Variants in ATXN1L observed in about 807,000 individuals in gnomAD.
ATXN1L encodes ataxin 1 like.
A neutral mutation model predicts 43.4 loss-of-function variants in ATXN1L; 8 were observed. The ratio of observed to expected loss-of-function variants is 0.18; its 90% confidence interval spans 0.11 to 0.33. The LOEUF is 0.33. ATXN1L is among the 10% of genes least tolerant of loss of function. The pLI is 1.00. For synonymous variants in ATXN1L, 379 were observed against 360.6 expected, an observed-to-expected ratio of 1.05 and a Z score of -0.58; for missense variants, 856 against 885.4, an observed-to-expected ratio of 0.97 and a Z score of 0.42.
At position 71,852,872 on chromosome 16, in the gene ATXN1L, C is replaced by T. The variant is rs929287059; in HGVS notation, c.*1062C>T. The T allele has an allele frequency of 6.0e-6, 1 of 167,172 alleles. No homozygotes were observed. 10.4% of individuals were successfully genotyped at this position (167,172 alleles called of 1,614,324 possible). On this transcript the variant is annotated 3_prime_UTR_variant, in exon 3 of 3. Transcript: ENST00000427980. ...TGGTTTTGTCCACTCTGACCAAGAC[C>T]TCTAGTTTTTGGTGGGTAGGGGGTC... is the stretch of plus-strand genomic sequence containing the variant.
At chr16:71,847,080 T>G (rs1039001644) in intron 1 of ATXN1L, among the ~76,000 whole-genome samples, 2 of 152,234 alleles carry the variant, frequency 1.3e-5, no homozygotes, top group Non-Finnish European at 2.9e-5. Flanking sequence ...TGTGTTTTCC[T>G]ATCCTTCCAC....
intron 1 of ATXN1L, among the ~76,000 whole-genome samples, chr16:71,847,126 G>C (rs181416422): frequency 1.3e-5 from 2 of 152,170 alleles, no homozygotes; most frequent in African/African-American, 4.8e-5. Context: ...AATCTTAAGA[G>C]AGAAATGTTG....
At chr16:71,849,484 G>A (rs1257317710) in intron 2 of ATXN1L, 140 bp from the exon 3 acceptor site, 12 of 340,274 alleles carry the variant, frequency 3.5e-5, no homozygotes, top group Non-Finnish European at 5.8e-5. Flanking sequence ...TAGCCTCCTT[G>A]TCTGCCCCTT....
Position 71,852,114 on chromosome 16 carries a change from C to G in ATXN1L, c.*304C>G. On this transcript the variant is annotated 3_prime_UTR_variant, in exon 3 of 3. Transcript: ENST00000427980. ...CAGGGCCTCCCTGTTCTTTCCTCCC[C>G]ATCCCTAGCTCCTGCAAGAGAAAGT... is the stretch of plus-strand genomic sequence containing the variant. 3.9e-6 allele frequency: 1 copy of G among 256,726 alleles called. No individual in the cohort carries two copies. Among genetic ancestry groups the G allele is most frequent in the Non-Finnish European group, 7.9e-6 (1 of 126,900 alleles). 15.9% of individuals were successfully genotyped at this position (256,726 alleles called of 1,614,324 possible).
rs2033528266 is a variant in ATXN1L, at chr16:71,853,821, A to G, written c.*2011A>G. ...CTGGTCAGTCAGCTTTTGGGGGTCCATCAAAGGAGGTTGCTGACCTGACCG... is the reference window on the plus strand; with the variant it reads ...CTGGTCAGTCAGCTTTTGGGGGTCCGTCAAAGGAGGTTGCTGACCTGACCG... On this transcript the variant is annotated 3_prime_UTR_variant, in exon 3 of 3. Coordinates refer to ENST00000427980, the MANE Select transcript of ATXN1L (RefSeq NM_001137675.4). 6.0e-6 allele frequency: 1 copy of G among 167,110 alleles called. No individual in the cohort carries two copies. Among genetic ancestry groups the G allele is most frequent in the African/African-American group, 2.4e-5 (1 of 41,458 alleles). The allele number at this position is 167,110 out of a possible 1,614,324, so 10.4% of individuals were successfully genotyped here.
In ATXN1L at chr16:71,857,226, CTCT is replaced by C. The variant is rs1365391611; in HGVS notation, c.*5421_*5423del. ...ACAGATTGTATTTTTATTGTTAATG[CTCT>C]TCTTATGGATACCTGCATTTAACTT... On this transcript the variant is annotated 3_prime_UTR_variant, in exon 3 of 3. Transcript: ENST00000427980. The C allele has an allele frequency of 1.2e-5, 2 of 164,666 alleles. No homozygotes were observed. Among genetic ancestry groups the C allele is most frequent in the Non-Finnish European group, 2.9e-5 (2 of 68,106 alleles). 10.2% of individuals were successfully genotyped at this position (164,666 alleles called of 1,614,324 possible).
chr16:71,846,431 C>G (rs2033444042), intron 1 of ATXN1L, among the ~76,000 whole-genome samples: 1 of 152,220 alleles, frequency 6.6e-6, no homozygotes, highest in Non-Finnish European at 1.5e-5. Context: ...CCCCTACTCT[C>G]TAAACGCAGA....
chr16:71,851,571 A>T lies in ATXN1L; in HGVS notation c.1831A>T (p.Thr611Ser). The change falls in exon 3 of 3, where the codon ACG becomes TCG. Residue 611 changes from threonine to serine, a missense_variant. This residue lies in a region of ATXN1L where 185 missense variants were observed against 176.8 expected (regional missense o/e 1.05). Coordinates refer to ENST00000427980, the MANE Select transcript of ATXN1L (RefSeq NM_001137675.4). This position sits in a 1 kb window ranked among gnomAD's most constrained non-coding sequence, Gnocchi z 4.9. ...LGPPRERPERTVLGSRELCDS... is the reference protein window; with the variant it reads ...LGPPRERPERSVLGSRELCDS... Reference sequence around the variant, plus strand: ...TCCCCCCCGAGAAAGGCCTGAGAGGACGGTCTTGGGATCCAGAGAGCTATG... The same window carrying T: ...TCCCCCCCGAGAAAGGCCTGAGAGGTCGGTCTTGGGATCCAGAGAGCTATG... 2 of 1,549,708 alleles carry T rather than the reference A, an allele frequency of 1.3e-6. No individual in the cohort carries two copies. The highest frequency in any genetic ancestry group is 1.7e-6 in the Non-Finnish European group (2 of 1,146,544).
Position 71,854,351 on chromosome 16 carries a change from G to A in ATXN1L, c.*2541G>A, listed in dbSNP as rs2033532777. On this transcript the variant is annotated 3_prime_UTR_variant, in exon 3 of 3. Transcript: ENST00000427980. The stretch of plus-strand genomic sequence containing the variant: ...TGAGGACCCTGGCAAGTTGGGCCCT[G>A]ACCTTTCTGTTGCTGTCTCTTGCTG... 1 of 167,090 alleles carries A rather than the reference G, an allele frequency of 6.0e-6. No homozygotes were observed. Among genetic ancestry groups the A allele is most frequent in the East Asian group, 1.9e-4 (1 of 5,204 alleles). 10.4% of individuals were successfully genotyped at this position (167,090 alleles called of 1,614,324 possible).
rs999494966 is a variant in ATXN1L at position 71,854,243 on chromosome 16, T to A, written c.*2433T>A. 1.2e-5 allele frequency: 2 copies of A among 167,088 alleles called. No individual in the cohort carries two copies. The highest frequency in any genetic ancestry group is 4.8e-5 in the African/African-American group (2 of 41,444). 10.4% of individuals were successfully genotyped at this position (167,088 alleles called of 1,614,324 possible). A position where few individuals can be genotyped will look rare whatever the true frequency, so the allele number is the denominator to read the frequency against. On this transcript the variant is annotated 3_prime_UTR_variant, in exon 3 of 3. Coordinates refer to ENST00000427980, the MANE Select transcript of ATXN1L (RefSeq NM_001137675.4). ...GTCTAACCAGATACAGACCAATTAG[T>A]TTAGATCAAATCACCTTCCACTTGG... is the stretch of plus-strand genomic sequence containing the variant.
At chr16:71,847,288 C>T (rs1358606244) in intron 1 of ATXN1L, among the ~76,000 whole-genome samples, 2 of 151,640 alleles carry the variant, frequency 1.3e-5, no homozygotes, top group Non-Finnish European at 2.9e-5. Context: ...AGTGTAGATT[C>T]ACATAGTGAT....
Position 71,851,736 on chromosome 16 carries a change from G to A in ATXN1L, c.1996G>A (p.Ala666Thr). 1 of 1,458,728 alleles carries A rather than the reference G, an allele frequency of 6.9e-7. No homozygotes were observed. The allele number at this position is 1,458,728 out of a possible 1,614,324, so 90.4% of individuals were successfully genotyped here. A position where few individuals can be genotyped will look rare whatever the true frequency, so the allele number is the denominator to read the frequency against. ...YSMQGEEARA[A>T]LLRPSFIPQE... The stretch of plus-strand genomic sequence containing the variant: ...CATGCAAGGGGAGGAGGCACGGGCT[G>A]CGCTGCTCCGTCCCTCTTTCATTCC... Residue 666 changes from alanine to threonine, a missense_variant, in exon 3 of 3, where the codon GCG becomes ACG. Physicochemically the swap from Ala to Thr is moderately conservative, Grantham distance 58. Coordinates refer to ENST00000427980, the MANE Select transcript of ATXN1L (RefSeq NM_001137675.4). This position sits in a 1 kb window ranked among gnomAD's most constrained non-coding sequence, Gnocchi z 4.9.
Position 71,851,727 on chromosome 16 carries a change from G to C in ATXN1L, c.1987G>C (p.Ala663Pro), listed in dbSNP as rs1471200294. The C allele has an allele frequency of 4.8e-6, 7 of 1,471,718 alleles. No individual in the cohort carries two copies. The highest frequency in any genetic ancestry group is 6.3e-6 in the Non-Finnish European group (7 of 1,106,908). The allele number at this position is 1,471,718 out of a possible 1,614,324, so 91.2% of individuals were successfully genotyped here. A position where few individuals can be genotyped will look rare whatever the true frequency, so the allele number is the denominator to read the frequency against. Residue 663 changes from alanine to proline, a missense_variant, in exon 3 of 3, where the codon GCA becomes CCA. Ala to Pro is a conservative substitution (Grantham distance 27). This residue lies in a region of ATXN1L where 185 missense variants were observed against 176.8 expected (regional missense o/e 1.05). Coordinates refer to ENST00000427980, the MANE Select transcript of ATXN1L (RefSeq NM_001137675.4). This position sits in a 1 kb window ranked among gnomAD's most constrained non-coding sequence, Gnocchi z 4.9. ...FQRYSMQGEE[A>P]RAALLRPSFI... is the part of the protein sequence containing the mutation. ...AAGATACAGCATGCAAGGGGAGGAG[G>C]CACGGGCTGCGCTGCTCCGTCCCTC...
At chr16:71,848,516 G>A (rs2033466480) in intron 2 of ATXN1L, 2 of 155,380 alleles carry the variant, frequency 1.3e-5, no homozygotes, top group South Asian at 3.8e-4. Context: ...TAGGGAACCG[G>A]AAGTGTACGT....
chr16:71,846,427 C>A (rs536729549), intron 1 of ATXN1L, among the ~76,000 whole-genome samples: 2 of 152,342 alleles, frequency 1.3e-5, no homozygotes, highest in African/African-American at 4.8e-5. Flanking sequence ...GGACCCCCTA[C>A]TCTCTAAACG....
rs569836474 is a variant in ATXN1L at position 71,856,686 on chromosome 16, C to T, written c.*4876C>T. 7 of 167,224 alleles carry T rather than the reference C, an allele frequency of 4.2e-5. No homozygotes were observed. In the South Asian group the frequency reaches 1.4e-3, roughly 35 times the overall value. The allele number at this position is 167,224 out of a possible 1,614,324, so 10.4% of individuals were successfully genotyped here. ...CTGTCCCCTACAACCTTCTTAGTCACACAGGATCCCTGTAGCCAAAACAGT... is the reference window on the plus strand; with the variant it reads ...CTGTCCCCTACAACCTTCTTAGTCATACAGGATCCCTGTAGCCAAAACAGT... On this transcript the variant is annotated 3_prime_UTR_variant, in exon 3 of 3. Transcript: ENST00000427980.
In ATXN1L at chr16:71,850,775, T is replaced by G; in HGVS notation, c.1035T>G (p.Ala345=). ...LEVQRVVGAL[A]SQDYRVVAAQ... is the part of the protein sequence containing the mutation. The stretch of plus-strand genomic sequence containing the variant: ...TCCAGCGGGTGGTTGGCGCTTTAGC[T>G]TCTCAGGACTATCGTGTGGTGGCAG... Residue 345 remains alanine (A), a synonymous_variant, in exon 3 of 3, where the codon GCT becomes GCG. Transcript: ENST00000427980. 6.4e-7 allele frequency: 1 copy of G among 1,551,620 alleles called. No individual in the cohort carries two copies. Among genetic ancestry groups the G allele is most frequent in the Non-Finnish European group, 8.7e-7 (1 of 1,146,986 alleles).
At position 71,851,680 on chromosome 16, in the gene ATXN1L, G is replaced by A. The variant is rs760845337; in HGVS notation, c.1940G>A (p.Cys647Tyr). 3 of 1,505,452 alleles carry A rather than the reference G, an allele frequency of 2.0e-6. No homozygotes were observed. Among genetic ancestry groups the A allele is most frequent in the East Asian group, 5.0e-5 (2 of 40,308 alleles). 93.3% of individuals were successfully genotyped at this position (1,505,452 alleles called of 1,614,324 possible). A position where few individuals can be genotyped will look rare whatever the true frequency, so the allele number is the denominator to read the frequency against. ...PSQPESGAQACWPAPSFQRYS... is the reference protein window; with the variant it reads ...PSQPESGAQAYWPAPSFQRYS... The stretch of plus-strand genomic sequence containing the variant: ...CAGCCTGAGTCCGGTGCTCAGGCCT[G>A]CTGGCCAGCCCCGAGCTTCCAAAGA... Residue 647 changes from cysteine to tyrosine, a missense_variant, in exon 3 of 3, where the codon TGC becomes TAC. Transcript: ENST00000427980. This position sits in a 1 kb window ranked among gnomAD's most constrained non-coding sequence, Gnocchi z 4.9.
rs143218319 is a variant in ATXN1L, at chr16:71,855,391, A to G, written c.*3581A>G. 6.8e-3 allele frequency: 1,132 copies of G among 167,220 alleles called. 4 individuals are homozygous for G. Among genetic ancestry groups the G allele is most frequent in the Middle Eastern group, 0.03 (9 of 296 alleles). 10.4% of individuals were successfully genotyped at this position (167,220 alleles called of 1,614,324 possible). A position where few individuals can be genotyped will look rare whatever the true frequency, so the allele number is the denominator to read the frequency against. Reference sequence around the variant, plus strand: ...GTATCCTGTTTTAAAAACTAAATGAAGGGAACCACATTAGGGCCCATGCCA... The same window carrying G: ...GTATCCTGTTTTAAAAACTAAATGAGGGGAACCACATTAGGGCCCATGCCA... On this transcript the variant is annotated 3_prime_UTR_variant, in exon 3 of 3. Transcript: ENST00000427980.
Sources: allele counts gnomAD v4.1 joint callset (sites outside exome capture counted in the v4.1 genomes callset), GRCh38; gene constraint gnomAD v4.1.1; regional missense constraint gnomAD v4.1.1; non-coding constraint Gnocchi (gnomAD v3.1); transcripts MANE v1.5; gene names NCBI Gene and HGNC (gene_info 2026-07-23, HGNC 2026-07-21).